Variants in FARS2 observed in about 807,000 individuals in gnomAD.
The protein encoded by FARS2 is phenylalanyl-tRNA synthetase 2, mitochondrial.
FARS2 carries 40 observed loss-of-function variants against 46.4 expected under a neutral mutation model. That is an observed-to-expected ratio of 0.86 (90% CI 0.67 to 1.12). The LOEUF is 1.12. FARS2 is among the 50% of genes most tolerant of loss of function. The pLI is 0.00. For missense variants in FARS2, 513 were observed against 567.9 expected (o/e 0.90, Z 0.98); for synonymous variants, 234 against 214.9 (o/e 1.09, Z -0.78).
chr6:5,625,439 A>T (rs1431808114), intron 6 of FARS2, among the ~76,000 whole-genome samples: 3 of 152,188 alleles, frequency 2.0e-5, no homozygotes, highest in Non-Finnish European at 4.4e-5. Flanking sequence ...CTGAGGCTTG[A>T]GTAGCAGCCA....
intron 1 of FARS2, among the ~76,000 whole-genome samples, chr6:5,276,601 C>T (rs374100499): frequency 1.3e-5 from 2 of 152,148 alleles, no homozygotes; most frequent in South Asian, 4.1e-4. Flanking sequence ...CTTTACTTTC[C>T]CTTTATTCTT....
chr6:5,299,009 C>G (rs1768094631), intron 1 of FARS2, among the ~76,000 whole-genome samples: 1 of 151,572 alleles, frequency 6.6e-6, no homozygotes, highest in Non-Finnish European at 1.5e-5. Context: ...ATTTTTATGT[C>G]TTTATAGAGT....
chr6:5,276,941 A>G (rs1766377860), intron 1 of FARS2, among the ~76,000 whole-genome samples: 1 of 152,202 alleles, frequency 6.6e-6, no homozygotes, highest in Non-Finnish European at 1.5e-5. Context: ...CTTGAAGTGA[A>G]ATCCACCTAT....
rs75200271 is a variant in FARS2 at position 5,475,604 on chromosome 6, C to G, written c.904+44432C>G. On this transcript the variant is annotated intron_variant, in intron 4 of 6. Transcript: ENST00000274680. Reference sequence around the variant, plus strand: ...GCTCATGGCCTTCAAGGCTCTGCATCATGGGCACCTGCCTCCTATTTGGAC... The same window carrying G: ...GCTCATGGCCTTCAAGGCTCTGCATGATGGGCACCTGCCTCCTATTTGGAC... Among the ~76,000 whole-genome samples, 1,295 of 152,302 alleles carry G rather than the reference C, an allele frequency of 8.5e-3. 12 individuals are homozygous for G. The highest frequency in any genetic ancestry group is 0.03 in the African/African-American group (1,237 of 41,564).
chr6:5,414,902 G>T (rs1159722348), intron 3 of FARS2, among the ~76,000 whole-genome samples: 3 of 138,360 alleles, frequency 2.2e-5, no homozygotes, highest in Non-Finnish European at 3.0e-5. Context: ...TGCAACCTCC[G>T]TCTCCTGGGT....
At chr6:5,697,654 G>A (rs185384258) in intron 6 of FARS2, among the ~76,000 whole-genome samples, 12 of 152,302 alleles carry the variant, frequency 7.9e-5, no homozygotes, top group African/African-American at 2.9e-4. Context: ...GCAAAATCAT[G>A]AGATATAACT....
chr6:5,378,825 G>A (rs11243007), intron 2 of FARS2, among the ~76,000 whole-genome samples: 25,459 of 152,112 alleles, frequency 0.17, 2,461 homozygotes, highest in Middle Eastern at 0.24. Context: ...ACATGTTTAC[G>A]TAGTCCTCTG....
chr6:5,431,698 A>G, intron 4 of FARS2: 1 of 532,892 alleles, frequency 1.9e-6, no homozygotes, highest in Non-Finnish European at 3.8e-6. Flanking sequence ...AGAAAATGGA[A>G]ACACGAGGTT....
intron 1 of FARS2, among the ~76,000 whole-genome samples, chr6:5,331,000 G>A (rs961008428): frequency 5.3e-5 from 8 of 151,882 alleles, no homozygotes; most frequent in African/African-American, 1.9e-4. Context: ...AGCTACTTGC[G>A]GGGCTGAAGC....
intron 6 of FARS2, among the ~76,000 whole-genome samples, chr6:5,762,681 C>T (rs1157341726): frequency 2.0e-5 from 3 of 152,350 alleles, no homozygotes; most frequent in African/African-American, 7.2e-5. Flanking sequence ...GAGCTGGGCC[C>T]GGCGGGGGAG....
intron 6 of FARS2, among the ~76,000 whole-genome samples, chr6:5,639,330 C>T (rs567463628): frequency 6.6e-6 from 1 of 152,316 alleles, no homozygotes; most frequent in Admixed American, 6.5e-5. Context: ...TTTCAAGTCC[C>T]ATCATGGGAG....
chr6:5,537,168 A>T (rs1008543978), intron 4 of FARS2, among the ~76,000 whole-genome samples: 1 of 152,116 alleles, frequency 6.6e-6, no homozygotes. Context: ...ACACCTGGCC[A>T]TTCTCAGCTC....
chr6:5,700,979 A>G (rs1363263426), intron 6 of FARS2, among the ~76,000 whole-genome samples: 1 of 152,238 alleles, frequency 6.6e-6, no homozygotes, highest in Admixed American at 6.5e-5. Flanking sequence ...TATTCGCGCA[A>G]GGTGTTAATT....
intron 6 of FARS2, among the ~76,000 whole-genome samples, chr6:5,614,613 G>A (rs747566849): frequency 6.6e-5 from 10 of 152,004 alleles, no homozygotes; most frequent in African/African-American, 9.7e-5. Flanking sequence ...GGGTTTCACC[G>A]TGGTCTCCAT....
intron 1 of FARS2, among the ~76,000 whole-genome samples, chr6:5,308,535 C>T (rs1768879510): frequency 6.6e-6 from 1 of 152,128 alleles, no homozygotes; most frequent in African/African-American, 2.4e-5. Flanking sequence ...ATAAGAAACA[C>T]GGATTACCGG....
chr6:5,438,166 CTT>C (rs1171632814), intron 4 of FARS2, among the ~76,000 whole-genome samples: 3 of 145,050 alleles, frequency 2.1e-5, no homozygotes, highest in African/African-American at 5.0e-5. Flanking sequence ...AGTATCTTTC[CTT>C]TTTTTTTAAA....
At chr6:5,452,960 G>T (rs1043438044) in intron 4 of FARS2, among the ~76,000 whole-genome samples, 7 of 152,108 alleles carry the variant, frequency 4.6e-5, no homozygotes, top group Admixed American at 1.3e-4. Context: ...TAGATGTTTT[G>T]CAGGGTGTGC....
rs114871845 is a variant in FARS2 at position 5,751,586 on chromosome 6, G to A, written c.1218-19705G>A. ...CCTCTCCATGCCCAACTCCAAAGGA[G>A]GCTTTTGGAGTAAATGCTTTTCTGC... On this transcript the variant is annotated intron_variant, in intron 6 of 6. Coordinates refer to ENST00000274680, the MANE Select transcript of FARS2 (RefSeq NM_006567.5). 1.3e-3 allele frequency among the ~76,000 whole-genome samples: 193 copies of A among 152,326 alleles called. 1 individual carries two copies. Among genetic ancestry groups the A allele is most frequent in the African/African-American group, 4.5e-3 (186 of 41,572 alleles).
intron 5 of FARS2, among the ~76,000 whole-genome samples, chr6:5,603,798 T>C (rs1340562275): frequency 6.6e-6 from 1 of 152,202 alleles, no homozygotes; most frequent in African/African-American, 2.4e-5. Flanking sequence ...TTAAGTAAGC[T>C]CGTATTCTGA....
Sources: allele counts gnomAD v4.1 joint callset (sites outside exome capture counted in the v4.1 genomes callset), GRCh38; gene constraint gnomAD v4.1.1; transcripts MANE v1.5; gene names NCBI Gene and HGNC (gene_info 2026-07-23, HGNC 2026-07-21).